The following RGS20 variants were observed in gnomAD, a reference collection of about 807,000 sequenced individuals.
RGS20 encodes regulator of G protein signaling 20.
RGS20 carries 30 observed loss-of-function variants against 33.6 expected under a neutral mutation model. That is an observed-to-expected ratio of 0.89 (90% CI 0.67 to 1.21). The LOEUF (loss-of-function observed/expected upper bound fraction) is 1.21. RGS20 is among the 50% of genes most tolerant of loss of function. RGS20 has a pLI of 0.00. For synonymous variants in RGS20, 208 were observed against 197.9 expected, an observed-to-expected ratio of 1.05 and a Z score of -0.43; for missense variants, 472 against 502.4, an observed-to-expected ratio of 0.94 and a Z score of 0.58.
At chr8:53,919,885 G>T (rs1813595364) in intron 2 of RGS20, among the ~76,000 whole-genome samples, 1 of 150,600 alleles carries the variant, frequency 6.6e-6, no homozygotes, top group Admixed American at 6.6e-5. Context: ...CACTTACTTA[G>T]ATTTTTTGTT....
In RGS20 at chr8:53,915,752, C is replaced by T. The variant is rs187442965; in HGVS notation, c.511-23824C>T. ...TGAGGACAAGGACAGGGCTGGTGCC[C>T]GAGTTTCTTTCTTTTTTAAAAATGT... On this transcript the variant is annotated intron_variant, in intron 2 of 5. Transcript: ENST00000297313. Among the ~76,000 whole-genome samples the T allele has an allele frequency of 1.2e-3, 175 of 152,146 alleles. 1 individual carries two copies. Among genetic ancestry groups the T allele is most frequent in the African/African-American group, 4.0e-3 (165 of 41,510 alleles).
At position 53,889,412 on chromosome 8, in the gene RGS20, C is replaced by CT. The variant is rs34316630; in HGVS notation, c.510+9849dup. 6.1e-3 allele frequency among the ~76,000 whole-genome samples: 254 copies of CT among 41,800 alleles called. 85 individuals carry two copies. Among genetic ancestry groups the CT allele is most frequent in the Non-Finnish European group, 0.011 (177 of 16,076 alleles). 27.4% of individuals were successfully genotyped at this position (41,800 alleles called of 152,430 possible). On this transcript the variant is annotated intron_variant, in intron 2 of 5. Transcript: ENST00000297313. The stretch of plus-strand genomic sequence containing the variant: ...TCTTTCTTTCTTTCTCTCTCTCTCT[C>CT]TTTTTTTTTTTTTTTTTTTTTTTTT...
At chr8:53,866,785 C>T (rs1414398422) in intron 1 of RGS20, among the ~76,000 whole-genome samples, 1 of 151,790 alleles carries the variant, frequency 6.6e-6, no homozygotes, top group Non-Finnish European at 1.5e-5. Context: ...TTAAGGAGGC[C>T]ACTATAATTT....
intron 2 of RGS20, among the ~76,000 whole-genome samples, chr8:53,917,984 A>G (rs73680370): frequency 0.065 from 9,870 of 152,220 alleles, 869 homozygotes; most frequent in African/African-American, 0.2. Flanking sequence ...GTATTATACA[A>G]CATGTGGACT....
chr8:53,906,061 T>C (rs571712789), intron 2 of RGS20, among the ~76,000 whole-genome samples: 2 of 152,206 alleles, frequency 1.3e-5, no homozygotes, highest in Admixed American at 6.5e-5. Context: ...GTCCCCCTCC[T>C]CCACCCACAA....
chr8:53,857,365 C>T (rs1403511142), intron 1 of RGS20, among the ~76,000 whole-genome samples: 1 of 152,194 alleles, frequency 6.6e-6, no homozygotes, highest in African/African-American at 2.4e-5. Flanking sequence ...GCAGTACTTA[C>T]TTGGTCTTCC....
chr8:53,947,236 TAA>T (rs1337421058), intron 4 of RGS20, among the ~76,000 whole-genome samples: 2 of 144,608 alleles, frequency 1.4e-5, no homozygotes, highest in South Asian at 2.1e-4. Context: ...ACATGCTATA[TAA>T]GATATAGCAT....
At chr8:53,852,990 T>C (rs1811599573) in intron 1 of RGS20, among the ~76,000 whole-genome samples, 1 of 152,090 alleles carries the variant, frequency 6.6e-6, no homozygotes, top group Non-Finnish European at 1.5e-5. Flanking sequence ...TATACGGACC[T>C]GTTCTTTTGA....
rs536544660 is a variant in RGS20 at position 53,948,250 on chromosome 8, GTATA to G, written c.743+1507_743+1510del. ...ATTTATATATGCTATATATATGATA[GTATA>G]TATACTATATGTAAGTTATAGTATA... On this transcript the variant is annotated intron_variant, in intron 4 of 5. Transcript: ENST00000297313. Among the ~76,000 whole-genome samples the G allele has an allele frequency of 8.1e-3, 1,116 of 137,036 alleles. 17 individuals are homozygous for G. The highest frequency in any genetic ancestry group is 0.027 in the African/African-American group (1,020 of 37,744). 89.9% of individuals were successfully genotyped at this position (137,036 alleles called of 152,430 possible).
intron 2 of RGS20, among the ~76,000 whole-genome samples, chr8:53,937,775 A>G (rs1814175523): frequency 6.6e-6 from 1 of 152,240 alleles, no homozygotes; most frequent in Non-Finnish European, 1.5e-5. Flanking sequence ...CAAAAGACAC[A>G]TGAAAAAAAG....
chr8:53,949,576 C>T (rs376071975), intron 4 of RGS20, among the ~76,000 whole-genome samples: 12 of 151,112 alleles, frequency 7.9e-5, no homozygotes, highest in African/African-American at 2.2e-4. Context: ...ATTAGCGGGG[C>T]GTGGTGGCAA....
At chr8:53,895,780 G>T (rs1812840075) in intron 2 of RGS20, among the ~76,000 whole-genome samples, 1 of 151,644 alleles carries the variant, frequency 6.6e-6, no homozygotes, top group South Asian at 2.1e-4. Flanking sequence ...GAGTAGCTGG[G>T]ACTACAGGCA....
At chr8:53,933,367 G>T (rs576425435) in intron 2 of RGS20, among the ~76,000 whole-genome samples, 2 of 152,180 alleles carry the variant, frequency 1.3e-5, no homozygotes, top group South Asian at 2.1e-4. Flanking sequence ...CTTGAAAAAA[G>T]ATTAGAGGAA....
Position 53,877,645 on chromosome 8 carries a change from G to C in RGS20, c.166-1613G>C, listed in dbSNP as rs1812238973. 6.6e-6 allele frequency among the ~76,000 whole-genome samples: 1 copy of C among 152,210 alleles called. No individual in the cohort carries two copies. Among genetic ancestry groups the C allele is most frequent in the African/African-American group, 2.4e-5 (1 of 41,460 alleles). Reference sequence around the variant, plus strand: ...AAATAAAAGCACCTTGCCAGAGAGCGGGGGAGGGGAGCAGCTGAACGAGGA... The same window carrying C: ...AAATAAAAGCACCTTGCCAGAGAGCCGGGGAGGGGAGCAGCTGAACGAGGA... On this transcript the variant is annotated intron_variant, in intron 1 of 5. Transcript: ENST00000297313. This position sits in a 1 kb window ranked among gnomAD's most constrained non-coding sequence, Gnocchi z 5.7.
chr8:53,867,698 C>G (rs1585867087), intron 1 of RGS20, among the ~76,000 whole-genome samples: 1 of 150,162 alleles, frequency 6.7e-6, no homozygotes, highest in Non-Finnish European at 1.5e-5. Flanking sequence ...TTCCTTCCTT[C>G]CTTCCTTTCT....
chr8:53,863,264 G>C (rs894878015), intron 1 of RGS20, among the ~76,000 whole-genome samples: 3 of 152,166 alleles, frequency 2.0e-5, no homozygotes, highest in Non-Finnish European at 4.4e-5. Context: ...TGGGATTACA[G>C]GTGCGAGCCA....
At chr8:53,898,631 A>G (rs75821233) in intron 2 of RGS20, among the ~76,000 whole-genome samples, 3,430 of 152,338 alleles carry the variant, frequency 0.023, 137 homozygotes, top group African/African-American at 0.079. Context: ...TAGAAATGAA[A>G]TATGTATGAG....
intron 2 of RGS20, among the ~76,000 whole-genome samples, chr8:53,905,267 A>C (rs1456107426): frequency 1.3e-5 from 2 of 152,262 alleles, no homozygotes; most frequent in African/African-American, 4.8e-5. Context: ...TAAAACCAAA[A>C]GACAGAAATT....
At chr8:53,852,092 C>G in intron 1 of RGS20, 1 of 1,570,042 alleles carries the variant, frequency 6.4e-7, no homozygotes, top group Non-Finnish European at 8.7e-7. Context: ...ATCCATGATC[C>G]TTTCCCGTCA....
Sources: allele counts gnomAD v4.1 joint callset (sites outside exome capture counted in the v4.1 genomes callset), GRCh38; gene constraint gnomAD v4.1.1; non-coding constraint Gnocchi (gnomAD v3.1); transcripts MANE v1.5; gene names NCBI Gene and HGNC (gene_info 2026-07-23, HGNC 2026-07-21).